Variants in MTMR8 observed in about 807,000 individuals in gnomAD.
MTMR8 encodes myotubularin related protein 8.
MTMR8 carries 65 observed loss-of-function variants against 39.3 expected under a neutral mutation model. The observed-to-expected ratio is 1.65, with a 90% CI of 1.35 to 2.03. The LOEUF (loss-of-function observed/expected upper bound fraction) is 2.03. Among genes scored for constraint, MTMR8 ranks in the 30% most tolerant of loss-of-function variants. The pLI, the probability that MTMR8 is intolerant of heterozygous loss-of-function variation, is 0.00. For synonymous variants in MTMR8, 245 were observed against 185.2 expected, an observed-to-expected ratio of 1.32 and a Z score of -2.62; for missense variants, 777 against 538.9, an observed-to-expected ratio of 1.44 and a Z score of -4.37.
At chrX:64,371,762 A>C (rs1924135726) in intron 1 of MTMR8, among the ~76,000 whole-genome samples, 1 of 111,046 alleles carries the variant, frequency 9.0e-6, no homozygotes, top group Non-Finnish European at 1.9e-5. Context: ...AAAACTAGAA[A>C]TACCTGTATG....
At chrX:64,335,760 C>T (rs1569223237) in intron 10 of MTMR8, among the ~76,000 whole-genome samples, 1 of 112,012 alleles carries the variant, frequency 8.9e-6, no homozygotes, top group Non-Finnish European at 1.9e-5. Flanking sequence ...GCTGTGTACT[C>T]CTGGAAGCCT....
intron 12 of MTMR8, among the ~76,000 whole-genome samples, chrX:64,287,791 C>T (rs1921240246): frequency 9.4e-6 from 1 of 106,650 alleles, no homozygotes. Flanking sequence ...GGATCCCTTC[C>T]TTACATCTTA....
chrX:64,286,321 A>G (rs1326764396), intron 12 of MTMR8, among the ~76,000 whole-genome samples: 2 of 112,075 alleles, frequency 1.8e-5, no homozygotes, highest in Admixed American at 9.5e-5. Flanking sequence ...GCAATAATTA[A>G]TAGCTTACCA....
At chrX:64,286,976 A>G (rs1179551366) in intron 12 of MTMR8, among the ~76,000 whole-genome samples, 8 of 111,238 alleles carry the variant, frequency 7.2e-5, no homozygotes, top group Admixed American at 2.9e-4. Flanking sequence ...AATCAGGCAG[A>G]AGAAAGAAAT....
At position 64,310,747 on chromosome X, in the gene MTMR8, G is replaced by A. The variant is rs755965228; in HGVS notation, c.1481+18025C>T. ...TTCCCACCTATGAGTGACAACATGC[G>A]GTATTTGGTTTTCTGTTTTTGTGAT... On this transcript the variant is annotated intron_variant, in intron 12 of 13. Coordinates refer to ENST00000374852, the MANE Select transcript of MTMR8 (RefSeq NM_017677.4). 1.5e-3 allele frequency among the ~76,000 whole-genome samples: 161 copies of A among 110,442 alleles called. 1 individual carries two copies. The highest frequency in any genetic ancestry group is 5.1e-3 in the African/African-American group (155 of 30,350).
intron 1 of MTMR8, among the ~76,000 whole-genome samples, chrX:64,367,587 T>C (rs1222930359): frequency 1.8e-5 from 2 of 111,068 alleles, no homozygotes; most frequent in Non-Finnish European, 3.8e-5. Flanking sequence ...TCCCAATAAA[T>C]TAGGTATTGA....
intron 12 of MTMR8, among the ~76,000 whole-genome samples, chrX:64,281,840 C>A (rs1311895282): frequency 9.9e-6 from 1 of 100,758 alleles, no homozygotes; most frequent in Admixed American, 1.1e-4. Context: ...GGAACTTAAA[C>A]AAATTTACAA....
intron 12 of MTMR8, among the ~76,000 whole-genome samples, chrX:64,275,803 T>C (rs895738794): frequency 1.8e-5 from 2 of 110,251 alleles, no homozygotes; most frequent in East Asian, 5.6e-4. Flanking sequence ...TTACAACCGA[T>C]GCAACAAAAA....
chrX:64,354,932 A>C lies in MTMR8; in HGVS notation c.313T>G (p.Leu105Val), dbSNP rs774577580. The C allele has an allele frequency of 2.5e-6, 3 of 1,187,847 alleles. No individual in the cohort carries two copies. Among genetic ancestry groups the C allele is most frequent in the Non-Finnish European group, 2.3e-6 (2 of 884,200 alleles). ...GAAAAAGCATAAAGATCTTCAGGTA[A>C]TGCTGGAGAAGAGAGATAGGCATGG... is the stretch of plus-strand genomic sequence containing the variant. The part of the protein sequence containing the change: ...ISLLKLSQPA[L>V]PEDLYAFSYN... The change falls in exon 4 of 14, where the codon TTA becomes GTA. Residue 105 changes from leucine to valine, a missense_variant and splice_region_variant. Leu to Val is a conservative substitution (Grantham distance 32). Coordinates refer to ENST00000374852, the MANE Select transcript of MTMR8 (RefSeq NM_017677.4).
chrX:64,291,399 T>C (rs1921393039), intron 12 of MTMR8, among the ~76,000 whole-genome samples: 1 of 110,625 alleles, frequency 9.0e-6, no homozygotes, highest in Non-Finnish European at 1.9e-5. Flanking sequence ...TGCCTAGTCA[T>C]CTAAACACGT....
At chrX:64,270,207 C>T (rs1177982491) in intron 13 of MTMR8, among the ~76,000 whole-genome samples, 2 of 111,491 alleles carry the variant, frequency 1.8e-5, no homozygotes, top group African/African-American at 6.5e-5. Context: ...CCCAAGAGGA[C>T]ATTAAAAAGT....
At chrX:64,282,152 G>A (rs1473120401) in intron 12 of MTMR8, among the ~76,000 whole-genome samples, 2 of 111,697 alleles carry the variant, frequency 1.8e-5, no homozygotes, top group African/African-American at 6.5e-5. Context: ...CACTGTGGAA[G>A]ACAGGGTGGA....
chrX:64,302,571 C>G (rs370484038), intron 12 of MTMR8, among the ~76,000 whole-genome samples: 2 of 112,321 alleles, frequency 1.8e-5, no homozygotes, highest in East Asian at 5.6e-4. Flanking sequence ...TGTTCCTATT[C>G]GGCCATCTTG....
At chrX:64,269,112 G>C in intron 13 of MTMR8, 69 bp from the exon 14 acceptor site, 1 of 1,037,384 alleles carries the variant, frequency 9.6e-7, no homozygotes, top group Non-Finnish European at 1.3e-6. Flanking sequence ...ACATTACCTT[G>C]ATCTGCAGAG....
At chrX:64,309,311 G>C (rs1012890927) in intron 12 of MTMR8, among the ~76,000 whole-genome samples, 1 of 110,657 alleles carries the variant, frequency 9.0e-6, no homozygotes, top group African/African-American at 3.3e-5. Context: ...TGTTGATCTT[G>C]CATATATTTC....
chrX:64,368,744 C>T (rs138273435), intron 1 of MTMR8, among the ~76,000 whole-genome samples: 13 of 111,941 alleles, frequency 1.2e-4, no homozygotes, highest in African/African-American at 2.9e-4. Flanking sequence ...GCAATGAAAG[C>T]CAAAATATAC....
At chrX:64,278,190 G>A (rs1016083022) in intron 12 of MTMR8, among the ~76,000 whole-genome samples, 3 of 108,085 alleles carry the variant, frequency 2.8e-5, no homozygotes, top group African/African-American at 1.0e-4. Flanking sequence ...CTTTAGCTCG[G>A]AAGAGTTTGT....
chrX:64,300,209 G>T (rs947595443), intron 12 of MTMR8, among the ~76,000 whole-genome samples: 1 of 108,661 alleles, frequency 9.2e-6, no homozygotes, highest in Admixed American at 9.9e-5. Context: ...TAATGTGTGG[G>T]AGTCTAAGTC....
chrX:64,302,544 G>T (rs1921931658), intron 12 of MTMR8, among the ~76,000 whole-genome samples: 1 of 112,064 alleles, frequency 8.9e-6, no homozygotes. Flanking sequence ...CTCACGCTGG[G>T]AGCTGTAGAC....
Sources: allele counts gnomAD v4.1 joint callset (sites outside exome capture counted in the v4.1 genomes callset), GRCh38; gene constraint gnomAD v4.1.1; transcripts MANE v1.5; gene names NCBI Gene and HGNC (gene_info 2026-07-23, HGNC 2026-07-21).